The following NXPE2 variants were observed in gnomAD, a reference collection of about 807,000 sequenced individuals.
The protein encoded by NXPE2 is NXPE family member 2.
In NXPE2, 34 loss-of-function variants were observed where a neutral mutation model predicts 34.4. The observed-to-expected ratio is 0.99, with a 90% CI of 0.75 to 1.31. The LOEUF is 1.31. Ranked by LOEUF, NXPE2 falls within the 40% of genes most tolerant of loss-of-function variation. The probability of loss-of-function intolerance (pLI) is 0.00; values close to 1 mark genes in which losing one functional copy is unlikely to be tolerated. For missense variants in NXPE2, 649 were observed against 672.5 expected (o/e 0.97, Z 0.39); for synonymous variants, 235 against 231.3 (o/e 1.02, Z -0.15).
At chr11:114,776,226 G>A in the NXPE2 span, among the ~76,000 whole-genome samples, 45,655 of 152,116 alleles carry the variant, frequency 0.3, 7,114 homozygotes, top group East Asian at 0.57. Flanking sequence ...CCCCGTGTCC[G>A]GGCACAGGAG....
chr11:114,510,254 G>T, the NXPE2 span, among the ~76,000 whole-genome samples: 6 of 152,188 alleles, frequency 3.9e-5, no homozygotes, highest in East Asian at 9.7e-4. Context: ...TTGAGACAGG[G>T]TCTTGCTCTG....
At chr11:114,514,070 A>G in the NXPE2 span, among the ~76,000 whole-genome samples, 1 of 152,190 alleles carries the variant, frequency 6.6e-6, no homozygotes, top group Non-Finnish European at 1.5e-5. Flanking sequence ...GTATGTGTAC[A>G]TGCATATATA....
At chr11:114,807,750 T>C in the NXPE2 span, among the ~76,000 whole-genome samples, 2 of 151,726 alleles carry the variant, frequency 1.3e-5, no homozygotes, top group Admixed American at 1.3e-4. Flanking sequence ...ATGGGAGACT[T>C]TAACACCCCA....
At chr11:114,529,966 A>T in the NXPE2 span, 1 of 523,276 alleles carries the variant, frequency 1.9e-6, no homozygotes, top group Admixed American at 3.6e-5. Context: ...AAGAACGGTT[A>T]TAGCAAAACA....
chr11:114,679,687 T>C lies in NXPE2; in HGVS notation c.57T>C (p.Ala19=). The C allele has an allele frequency of 6.5e-7, 1 of 1,550,288 alleles. No individual in the cohort carries two copies. The highest frequency in any genetic ancestry group is 8.7e-7 in the Non-Finnish European group (1 of 1,145,924). The change falls in exon 2 of 6, where the codon GCT becomes GCC. Residue 19 remains alanine, a synonymous_variant. Transcript: ENST00000389586. ...RILTLFPNAI[A]RKLLLMLTFI... ...TCACTTTGTTTCCAAATGCCATAGC[T>C]CGAAAATTACTGCTGATGTTGACAT...
At chr11:114,735,048 T>G in the NXPE2 span, among the ~76,000 whole-genome samples, 2 of 152,136 alleles carry the variant, frequency 1.3e-5, no homozygotes, top group African/African-American at 4.8e-5. Context: ...AGGCGGAGCT[T>G]GCAGTGAGCT....
chr11:114,492,539 T>G, the NXPE2 span, among the ~76,000 whole-genome samples: 2 of 146,866 alleles, frequency 1.4e-5, no homozygotes, highest in East Asian at 4.1e-4. Context: ...ATGTTTCTTT[T>G]TCTTTTTTTT....
chr11:114,735,314 C>T, the NXPE2 span, among the ~76,000 whole-genome samples: 1 of 152,060 alleles, frequency 6.6e-6, no homozygotes, highest in Admixed American at 6.6e-5. Flanking sequence ...TTTCAAAATC[C>T]ACTTTTTATT....
At chr11:114,745,939 T>C in the NXPE2 span, among the ~76,000 whole-genome samples, 1 of 152,164 alleles carries the variant, frequency 6.6e-6, no homozygotes, top group Non-Finnish European at 1.5e-5. Flanking sequence ...ATCTTAGTTA[T>C]AAAGGTTTAG....
chr11:114,706,499 T>C lies in NXPE2; in HGVS notation c.1249T>C (p.Phe417Leu). ...TCAGTGGAAAAAACATGGTCATCCA[T>C]TTGTTACCAAAAAATTATTCTCAGT... ...LIQWKKHGHP[F>L]VTKKLFSVKD... The change falls in exon 6 of 6, where the codon TTT becomes CTT. Residue 417 changes from phenylalanine to leucine, a missense_variant. Transcript: ENST00000389586. 2 of 1,551,850 alleles carry C rather than the reference T, an allele frequency of 1.3e-6. No individual in the cohort carries two copies. Among genetic ancestry groups the C allele is most frequent in the Non-Finnish European group, 1.7e-6 (2 of 1,146,956 alleles).
the NXPE2 span, among the ~76,000 whole-genome samples, chr11:114,612,769 T>C: frequency 6.6e-6 from 1 of 151,952 alleles, no homozygotes; most frequent in African/African-American, 2.4e-5. Flanking sequence ...GCCTCGTGGG[T>C]AACCACTGTT....
At chr11:114,756,394 G>A in the NXPE2 span, among the ~76,000 whole-genome samples, 1 of 152,156 alleles carries the variant, frequency 6.6e-6, no homozygotes, top group Non-Finnish European at 1.5e-5. Context: ...ATGAAAAAAG[G>A]TAAAATTATT....
the NXPE2 span, among the ~76,000 whole-genome samples, chr11:114,754,469 T>C: frequency 6.6e-6 from 1 of 152,204 alleles, no homozygotes; most frequent in African/African-American, 2.4e-5. Context: ...CTCGCTTGAA[T>C]ACCAGTGTCA....
chr11:114,602,035 A>ATATAATATATATTATATTATATATAT, the NXPE2 span, among the ~76,000 whole-genome samples: 5 of 90,822 alleles, frequency 5.5e-5, no homozygotes, highest in South Asian at 1.4e-3. Context: ...ATGTTATACT[A>ATATAATATATATTATATTATATATAT]TATAATATAT....
At chr11:114,496,524 T>G in the NXPE2 span, among the ~76,000 whole-genome samples, 1 of 152,202 alleles carries the variant, frequency 6.6e-6, no homozygotes, top group African/African-American at 2.4e-5. Context: ...TGGATAGTTG[T>G]TCAATTTGTT....
the NXPE2 span, among the ~76,000 whole-genome samples, chr11:114,789,309 A>C: frequency 7.5e-6 from 1 of 132,766 alleles, no homozygotes; most frequent in African/African-American, 2.5e-5. Context: ...ACTATATATA[A>C]CTTTTTATTT....
chr11:114,514,056 A>G, the NXPE2 span, among the ~76,000 whole-genome samples: 3 of 152,152 alleles, frequency 2.0e-5, 1 homozygote, highest in South Asian at 4.1e-4. Flanking sequence ...CTATGTGTAC[A>G]TATGTATGTG....
chr11:114,545,432 A>G, the NXPE2 span, among the ~76,000 whole-genome samples: 2 of 152,016 alleles, frequency 1.3e-5, no homozygotes, highest in Middle Eastern at 3.4e-3. Context: ...GTGAATCTTA[A>G]ATGCATAATG....
At chr11:114,661,196 A>C in the NXPE2 span, among the ~76,000 whole-genome samples, 1 of 152,210 alleles carries the variant, frequency 6.6e-6, no homozygotes, top group African/African-American at 2.4e-5. Context: ...CTATAGATTC[A>C]ATAAAATTCA....
Sources: gnomAD v4.1 joint callset for allele counts (sites outside exome capture counted in the v4.1 genomes callset) on GRCh38, gnomAD v4.1.1 for gene constraint, MANE v1.5 for transcripts, NCBI Gene and HGNC (gene_info 2026-07-23, HGNC 2026-07-21) for gene names.